The following CHCHD4 variants were observed in gnomAD, a reference collection of about 807,000 sequenced individuals.
CHCHD4 encodes the protein coiled-coil-helix-coiled-coil-helix domain containing 4, also known as mitochondrial intermembrane space import and assembly protein 40.
CHCHD4 carries 7 observed loss-of-function variants against 12.4 expected under a neutral mutation model. The observed-to-expected ratio is 0.57, with a 90% CI of 0.32 to 1.06. The LOEUF (loss-of-function observed/expected upper bound fraction) is 1.06. Among genes scored for constraint, CHCHD4 ranks in the 50% least tolerant of loss-of-function variants. The pLI is 0.04. For missense variants in CHCHD4, 143 were observed against 175.1 expected (o/e 0.82, Z 1.03); for synonymous variants, 56 against 58.0 (o/e 0.97, Z 0.16).
Position 14,112,919 on chromosome 3 carries a change from T to G in CHCHD4, c.397A>C (p.Thr133Pro). ...GATCCCTCCTCTTCTTTGGTTGCAGTGGCCTCAATGGGAGCTGTTTCTTCT... is the reference window on the plus strand; with the variant it reads ...GATCCCTCCTCTTCTTTGGTTGCAGGGGCCTCAATGGGAGCTGTTTCTTCT... ...QAEETAPIEA[T>P]ATKEEEGSS The change falls in exon 3 of 3, where the codon ACT becomes CCT. Residue 133 changes from threonine (T) to proline (P), a missense_variant. By Grantham distance (38) the Thr-to-Pro change is conservative. Coordinates refer to ENST00000396914, the MANE Select transcript of CHCHD4 (RefSeq NM_001098502.2). The G allele has an allele frequency of 2.5e-6, 4 of 1,612,886 alleles. No individual in the cohort carries two copies. Among genetic ancestry groups the G allele is most frequent in the Non-Finnish European group, 3.4e-6 (4 of 1,179,534 alleles).
intron 2 of CHCHD4, among the ~76,000 whole-genome samples, chr3:14,114,259 G>C (rs556867734): frequency 6.6e-6 from 1 of 152,292 alleles, no homozygotes; most frequent in East Asian, 1.9e-4. Flanking sequence ...GGGACAGCAA[G>C]GACGATGCCA....
rs531553392 is a variant in CHCHD4, at chr3:14,116,445, G to A, written c.102C>T (p.Asn34=). 1.9e-5 allele frequency: 31 copies of A among 1,604,638 alleles called. No individual in the cohort carries two copies. The highest frequency in any genetic ancestry group is 1.7e-4 in the Middle Eastern group (1 of 5,968). Residue 34 remains asparagine, a synonymous_variant, in exon 2 of 3, where the codon AAC becomes AAT. Coordinates refer to ENST00000396914, the MANE Select transcript of CHCHD4 (RefSeq NM_001098502.2). ...ACTCACCATGCTCCTCGTATGGATCGTTGGGGTCATCAGCCACCAATTCTG... is the reference window on the plus strand; with the variant it reads ...ACTCACCATGCTCCTCGTATGGATCATTGGGGTCATCAGCCACCAATTCTG... The part of the protein sequence containing the change: ...SSAELVADDP[N]DPYEEHGLIL...
At chr3:14,124,524 G>T in intron 1 of CHCHD4, 131 bp downstream of exon 1, 1 of 686,592 alleles carries the variant, frequency 1.5e-6, no homozygotes. Context: ...GCCCGCCTCC[G>T]AGTGTCCCAG....
In CHCHD4 at chr3:14,124,671, G is replaced by A; in HGVS notation, c.6C>T (p.Ser2=). The A allele has an allele frequency of 2.0e-6, 3 of 1,530,044 alleles. No homozygotes were observed. The highest frequency in any genetic ancestry group is 1.8e-6 in the Non-Finnish European group (2 of 1,141,012). 94.8% of individuals were successfully genotyped at this position (1,530,044 alleles called of 1,614,324 possible). M[S]YCRQEGKDRI... ...CCTCCCTACCTTCCTGCCGGCAATA[G>A]GACATGGCTGCAGCCCGTCCCTGAG... Residue 2 remains serine, a synonymous_variant, in exon 1 of 3, where the codon TCC becomes TCT. Coordinates refer to ENST00000396914, the MANE Select transcript of CHCHD4 (RefSeq NM_001098502.2).
At chr3:14,122,017 C>A in intron 1 of CHCHD4, 1 of 1,613,492 alleles carries the variant, frequency 6.2e-7, no homozygotes, top group East Asian at 2.2e-5. Flanking sequence ...CTACCTTTGT[C>A]CCTGACAAAG....
intron 1 of CHCHD4, among the ~76,000 whole-genome samples, chr3:14,124,168 G>A (rs902886871): frequency 7.2e-5 from 11 of 152,328 alleles, no homozygotes; most frequent in Admixed American, 2.6e-4. Context: ...GTAGCAGGGG[G>A]CTCAAAAACA....
chr3:14,120,111 A>G (rs1694916776), intron 1 of CHCHD4, among the ~76,000 whole-genome samples: 1 of 152,008 alleles, frequency 6.6e-6, no homozygotes, highest in Non-Finnish European at 1.5e-5. Flanking sequence ...CCACCCCAGA[A>G]CCTTGGTCAG....
chr3:14,121,007 C>T (rs1380785501), intron 1 of CHCHD4, among the ~76,000 whole-genome samples: 1 of 152,178 alleles, frequency 6.6e-6, no homozygotes, highest in East Asian at 1.9e-4. Flanking sequence ...ATCTGGGAGG[C>T]AGACTGGTGT....
intron 2 of CHCHD4, among the ~76,000 whole-genome samples, chr3:14,114,635 C>T (rs1694857753): frequency 6.6e-6 from 1 of 152,082 alleles, no homozygotes; most frequent in African/African-American, 2.4e-5. Context: ...AATTACAACC[C>T]AGTACAAATT....
In CHCHD4 at chr3:14,124,065, TAA is replaced by T. The variant is rs1574933879; in HGVS notation, c.22+588_22+589del. Among the ~76,000 whole-genome samples, 5 of 152,320 alleles carry T rather than the reference TAA, an allele frequency of 3.3e-5. No homozygotes were observed. In the East Asian group the frequency reaches 9.7e-4, roughly 30 times the overall value. On this transcript the variant is annotated intron_variant, in intron 1 of 2. Coordinates refer to ENST00000396914, the MANE Select transcript of CHCHD4 (RefSeq NM_001098502.2). ...TCCTGTGTCTAACTTTACTCTTCAG[TAA>T]AATGTGACCAACAACAGAGCCTGAC... is the stretch of plus-strand genomic sequence containing the variant.
At position 14,116,733 on chromosome 3, in the gene CHCHD4, A is replaced by G. The variant is rs149767755; in HGVS notation, c.23-209T>C. Among the ~76,000 whole-genome samples, 1,202 of 152,328 alleles carry G rather than the reference A, an allele frequency of 7.9e-3. 21 individuals carry two copies. The highest frequency in any genetic ancestry group is 0.027 in the African/African-American group (1,119 of 41,566). ...AGGGCAGGAAAAGAAGCACTGAAGAAAAAGAGTGTCCTGGGGTTGACCCAC... is the reference window on the plus strand; with the variant it reads ...AGGGCAGGAAAAGAAGCACTGAAGAGAAAGAGTGTCCTGGGGTTGACCCAC... On this transcript the variant is annotated intron_variant, in intron 1 of 2. Coordinates refer to ENST00000396914, the MANE Select transcript of CHCHD4 (RefSeq NM_001098502.2).
At position 14,112,640 on chromosome 3, in the gene CHCHD4, G is replaced by C; in HGVS notation, c.*247C>G. The C allele has an allele frequency of 2.3e-6, 1 of 425,758 alleles. No homozygotes were observed. Among genetic ancestry groups the C allele is most frequent in the South Asian group, 6.1e-5 (1 of 16,476 alleles). 26.4% of individuals were successfully genotyped at this position (425,758 alleles called of 1,614,324 possible). ...CATTATTTAAAAGTGGCAAAATTCA[G>C]GGCAATCTGAGAATTCAAAAGTGGC... On this transcript the variant is annotated 3_prime_UTR_variant, in exon 3 of 3. Transcript: ENST00000396914.
chr3:14,120,071 G>A (rs767822013), intron 1 of CHCHD4, among the ~76,000 whole-genome samples: 2 of 152,296 alleles, frequency 1.3e-5, no homozygotes, highest in South Asian at 2.1e-4. Context: ...AAGTGCACAA[G>A]GAGGAGGTCA....
At chr3:14,117,078 G>A (rs7650489) in intron 1 of CHCHD4, among the ~76,000 whole-genome samples, 38,406 of 152,268 alleles carry the variant, frequency 0.25, 5,359 homozygotes, top group East Asian at 0.42. Flanking sequence ...GGGGGGCAGT[G>A]GGAGGAGCAC....
intron 1 of CHCHD4, chr3:14,121,784 C>A: frequency 1.3e-6 from 2 of 1,502,006 alleles, no homozygotes; most frequent in Non-Finnish European, 1.8e-6. Flanking sequence ...TAAGGACTTT[C>A]ATGTTTAGAA....
At position 14,112,200 on chromosome 3, in the gene CHCHD4, G is replaced by A. The variant is rs1694828994; in HGVS notation, c.*687C>T. 6.6e-6 allele frequency: 1 copy of A among 152,142 alleles called. No homozygotes were observed. The highest frequency in any genetic ancestry group is 1.5e-5 in the Non-Finnish European group (1 of 68,026). The allele number at this position is 152,142 out of a possible 1,614,324, so 9.4% of individuals were successfully genotyped here. A position where few individuals can be genotyped will look rare whatever the true frequency, so the allele number is the denominator to read the frequency against. ...AACATTGCACCTGACTAGACTGAGA[G>A]CCAGTGTGAACATGGGCCCCAAACC... On this transcript the variant is annotated 3_prime_UTR_variant, in exon 3 of 3. Coordinates refer to ENST00000396914, the MANE Select transcript of CHCHD4 (RefSeq NM_001098502.2).
intron 1 of CHCHD4, chr3:14,121,869 A>C: frequency 6.2e-7 from 1 of 1,613,980 alleles, no homozygotes; most frequent in East Asian, 2.2e-5. Flanking sequence ...TGGCTTTCAG[A>C]CAGAGTGTTA....
intron 1 of CHCHD4, chr3:14,122,097 A>G: frequency 5.1e-6 from 8 of 1,574,766 alleles, no homozygotes; most frequent in Non-Finnish European, 6.9e-6. Flanking sequence ...CTGGAGGGCA[A>G]AAGGAGGGTT....
At chr3:14,122,040 G>A in intron 1 of CHCHD4, 1 of 1,611,002 alleles carries the variant, frequency 6.2e-7, no homozygotes, top group Non-Finnish European at 8.5e-7. Flanking sequence ...CTTCAGGGAG[G>A]GAAGGAGGGG....
Sources: allele counts gnomAD v4.1 joint callset (sites outside exome capture counted in the v4.1 genomes callset), GRCh38; gene constraint gnomAD v4.1.1; transcripts MANE v1.5; gene names NCBI Gene and HGNC (gene_info 2026-07-23, HGNC 2026-07-21).